The following PCDH9 variants were observed in gnomAD, a reference collection of about 807,000 sequenced individuals.
The protein encoded by PCDH9 is protocadherin-9.
In PCDH9, 24 loss-of-function variants were observed where a neutral mutation model predicts 70.6. The observed-to-expected ratio is 0.34, with a 90% CI of 0.25 to 0.48. The LOEUF (loss-of-function observed/expected upper bound fraction) is 0.48, where lower values mean the gene tolerates loss of function less well. Ranked by LOEUF, PCDH9 falls within the 20% of genes least tolerant of loss-of-function variation. The probability of loss-of-function intolerance (pLI) is 0.99; values close to 1 mark genes in which losing one functional copy is unlikely to be tolerated. For missense variants in PCDH9, 1,281 were observed against 1,503.6 expected (o/e 0.85, Z 2.45); for synonymous variants, 562 against 558.5 (o/e 1.01, Z -0.09).
chr13:66,958,644 C>T (rs1021327351), intron 2 of PCDH9, among the ~76,000 whole-genome samples: 1 of 152,076 alleles, frequency 6.6e-6, no homozygotes, highest in African/African-American at 2.4e-5. Flanking sequence ...ACAGTCTATT[C>T]ATTGATGTAA....
intron 2 of PCDH9, among the ~76,000 whole-genome samples, chr13:66,915,822 C>T (rs1229751482): frequency 6.6e-6 from 1 of 151,386 alleles, no homozygotes. Context: ...TCCCTTTTTG[C>T]CTTTCTTTTA....
intron 2 of PCDH9, among the ~76,000 whole-genome samples, chr13:67,089,268 T>TC (rs2086169568): frequency 6.6e-6 from 1 of 152,032 alleles, no homozygotes; most frequent in Non-Finnish European, 1.5e-5. Context: ...AATAGAATTG[T>TC]CCATTTATAT....
At chr13:66,591,213 T>G (rs2077035098) in intron 4 of PCDH9, among the ~76,000 whole-genome samples, 1 of 151,788 alleles carries the variant, frequency 6.6e-6, no homozygotes, top group Non-Finnish European at 1.5e-5. Flanking sequence ...ATTTTGATAT[T>G]AGACCTAGTT....
Position 66,523,744 on chromosome 13 carries a change from A to T in PCDH9, c.3340+107466T>A, listed in dbSNP as rs956914757. Among the ~76,000 whole-genome samples, 8 of 151,978 alleles carry T rather than the reference A, an allele frequency of 5.3e-5. No homozygotes were observed. The Admixed American group carries it at 5.3e-4, about 10-fold the overall frequency. Reference sequence around the variant, plus strand: ...TTAAGGATGATTTTTTAAAAATATGATTACCATTATCACATAGAAGATAAC... The same window carrying T: ...TTAAGGATGATTTTTTAAAAATATGTTTACCATTATCACATAGAAGATAAC... On this transcript the variant is annotated intron_variant, in intron 4 of 4. Coordinates refer to ENST00000377865, the MANE Select transcript of PCDH9 (RefSeq NM_203487.3).
At chr13:67,078,906 C>T (rs950976215) in intron 2 of PCDH9, among the ~76,000 whole-genome samples, 2 of 152,054 alleles carry the variant, frequency 1.3e-5, no homozygotes, top group Admixed American at 6.6e-5. Flanking sequence ...AAGCAATTCT[C>T]GGTTACAGTC....
At chr13:67,139,592 A>G (rs531640749) in intron 2 of PCDH9, among the ~76,000 whole-genome samples, 2 of 152,326 alleles carry the variant, frequency 1.3e-5, no homozygotes, top group African/African-American at 4.8e-5. Context: ...TATCTCAAAT[A>G]TACTACTATT....
chr13:66,959,164 TA>T (rs2083306819), intron 2 of PCDH9, among the ~76,000 whole-genome samples: 1 of 152,170 alleles, frequency 6.6e-6, no homozygotes, highest in African/African-American at 2.4e-5. Flanking sequence ...AAGAGCATGA[TA>T]AAAACACCTA....
At chr13:67,173,594 T>C (rs1178864228) in intron 2 of PCDH9, among the ~76,000 whole-genome samples, 1 of 152,104 alleles carries the variant, frequency 6.6e-6, no homozygotes, top group Non-Finnish European at 1.5e-5. Context: ...TGAACTCAAA[T>C]CCCAAGAGCC....
intron 2 of PCDH9, among the ~76,000 whole-genome samples, chr13:67,002,745 A>G (rs1487149107): frequency 6.6e-6 from 1 of 152,016 alleles, no homozygotes; most frequent in Non-Finnish European, 1.5e-5. Context: ...TAAATTTGCC[A>G]TCCAACTCTA....
chr13:66,533,170 C>T (rs532870411), intron 4 of PCDH9, among the ~76,000 whole-genome samples: 2 of 152,162 alleles, frequency 1.3e-5, no homozygotes, highest in South Asian at 4.2e-4. Context: ...GATGGTGAAA[C>T]GGAACCAGCT....
At position 66,534,179 on chromosome 13, in the gene PCDH9, A is replaced by T. The variant is rs552452649; in HGVS notation, c.3340+97031T>A. 1.2e-3 allele frequency among the ~76,000 whole-genome samples: 179 copies of T among 152,246 alleles called. 1 individual carries two copies. Among genetic ancestry groups the T allele is most frequent in the African/African-American group, 4.0e-3 (166 of 41,576 alleles). ...TAGAAGGTAGCAGATATTCTCTAGG[A>T]CTAAAAGTCAGGAAATTTTTTTGTA... On this transcript the variant is annotated intron_variant, in intron 4 of 4. Coordinates refer to ENST00000377865, the MANE Select transcript of PCDH9 (RefSeq NM_203487.3).
At chr13:67,096,975 A>G (rs1367079312) in intron 2 of PCDH9, among the ~76,000 whole-genome samples, 1 of 152,090 alleles carries the variant, frequency 6.6e-6, no homozygotes, top group African/African-American at 2.4e-5. Context: ...AAGGCCGGGC[A>G]CAGTGGCTCA....
chr13:66,950,803 C>T (rs1314882738), intron 2 of PCDH9, among the ~76,000 whole-genome samples: 1 of 152,086 alleles, frequency 6.6e-6, no homozygotes, highest in East Asian at 1.9e-4. Context: ...AAATTGTCTA[C>T]TTAACCAAAA....
chr13:66,321,110 TCCTGAAGCA>T (rs1253862044), intron 4 of PCDH9, among the ~76,000 whole-genome samples: 2 of 151,974 alleles, frequency 1.3e-5, no homozygotes, highest in Admixed American at 6.6e-5. Flanking sequence ...CTTACTGGGC[TCCTGAAGCA>T]AACTGTAAAT....
At chr13:67,174,700 C>A (rs1024145020) in intron 2 of PCDH9, among the ~76,000 whole-genome samples, 5 of 152,066 alleles carry the variant, frequency 3.3e-5, no homozygotes, top group African/African-American at 1.2e-4. Context: ...ACCAAAGCCT[C>A]TTTTGTGTCA....
chr13:66,769,871 GT>G (rs2139270736), intron 3 of PCDH9, among the ~76,000 whole-genome samples: 1 of 152,200 alleles, frequency 6.6e-6, no homozygotes, highest in African/African-American at 2.4e-5. Flanking sequence ...TAAAAGCTAG[GT>G]TTTTATTAGG....
At chr13:66,833,734 A>G (rs529545346) in intron 3 of PCDH9, among the ~76,000 whole-genome samples, 7 of 152,334 alleles carry the variant, frequency 4.6e-5, no homozygotes, top group East Asian at 1.9e-4. Context: ...TAGAAAAAAA[A>G]TCAAATGTTT....
At chr13:66,573,652 T>TA (rs1370298826) in intron 4 of PCDH9, among the ~76,000 whole-genome samples, 1 of 152,196 alleles carries the variant, frequency 6.6e-6, no homozygotes, top group African/African-American at 2.4e-5. Context: ...TTTGATAAAC[T>TA]AAAAAATAAT....
intron 3 of PCDH9, among the ~76,000 whole-genome samples, chr13:66,708,310 A>G (rs920215669): frequency 3.3e-5 from 5 of 151,864 alleles, no homozygotes; most frequent in Non-Finnish European, 7.4e-5. Flanking sequence ...CGGCCTCCCA[A>G]AGTGCTGGGA....
Sources: gnomAD v4.1 joint callset for allele counts (sites outside exome capture counted in the v4.1 genomes callset) on GRCh38, gnomAD v4.1.1 for gene constraint, MANE v1.5 for transcripts, NCBI Gene and HGNC (gene_info 2026-07-23, HGNC 2026-07-21) for gene names.